Variants in ARSG observed in about 807,000 individuals in gnomAD.
The protein encoded by ARSG is ASG.
A neutral mutation model predicts 50.5 loss-of-function variants in ARSG; 37 were observed. That is an observed-to-expected ratio of 0.73 (90% CI 0.56 to 0.96). ARSG has a LOEUF of 0.96. Ranked by LOEUF, ARSG falls within the 50% of genes least tolerant of loss-of-function variation. ARSG has a pLI of 0.00. For missense variants in ARSG, 629 were observed against 675.3 expected (o/e 0.93, Z 0.76); for synonymous variants, 225 against 254.6 (o/e 0.88, Z 1.11).
intron 6 of ARSG, among the ~76,000 whole-genome samples, chr17:68,358,956 G>T (rs1426900578): frequency 2.6e-5 from 4 of 152,188 alleles, no homozygotes; most frequent in Non-Finnish European, 5.9e-5. Flanking sequence ...GAGGTCAGGA[G>T]ATCGAGACCA....
chr17:68,279,324 T>C (rs1192058094), intron 1 of ARSG, among the ~76,000 whole-genome samples: 2 of 152,032 alleles, frequency 1.3e-5, no homozygotes, highest in African/African-American at 2.4e-5. Flanking sequence ...AGTCAACTCT[T>C]CTTCCCCGCC....
intron 2 of ARSG, among the ~76,000 whole-genome samples, chr17:68,323,245 T>G (rs2077366163): frequency 6.6e-6 from 1 of 152,158 alleles, no homozygotes; most frequent in Admixed American, 6.5e-5. Context: ...CTCACTTACA[T>G]ATGAGTAAAA....
chr17:68,312,679 C>G (rs1160280992), intron 2 of ARSG, among the ~76,000 whole-genome samples: 1 of 152,114 alleles, frequency 6.6e-6, no homozygotes, highest in African/African-American at 2.4e-5. Flanking sequence ...GGTGGCTAGC[C>G]CTCTGGCCTG....
intron 1 of ARSG, among the ~76,000 whole-genome samples, chr17:68,276,219 G>C (rs550446354): frequency 6.6e-6 from 1 of 151,566 alleles, no homozygotes; most frequent in South Asian, 2.1e-4. Flanking sequence ...TCAGCCTTCC[G>C]AGTAGCTGGG....
the ARSG span, among the ~76,000 whole-genome samples, chr17:68,439,855 T>G: frequency 6.6e-6 from 1 of 152,176 alleles, no homozygotes; most frequent in South Asian, 2.1e-4. Flanking sequence ...ATGCCAAGCC[T>G]TCGTTTCTTA....
intron 8 of ARSG, among the ~76,000 whole-genome samples, chr17:68,371,558 C>T (rs918818524): frequency 6.6e-6 from 1 of 152,160 alleles, no homozygotes; most frequent in Non-Finnish European, 1.5e-5. Context: ...TCTGAGACTG[C>T]AGCCATGTTG....
chr17:68,269,673 G>GTTTTTTTTT (rs782421181), intron 1 of ARSG, among the ~76,000 whole-genome samples: 16,042 of 75,924 alleles, frequency 0.21, 3,071 homozygotes, highest in African/African-American at 0.42. Flanking sequence ...TTCACTTTAG[G>GTTTTTTTTT]TTTTTTTTTT....
At chr17:68,416,145 A>G (rs1282613668) in intron 11 of ARSG, among the ~76,000 whole-genome samples, 1 of 152,146 alleles carries the variant, frequency 6.6e-6, no homozygotes, top group Non-Finnish European at 1.5e-5. Context: ...TTATGCTTTA[A>G]AGAGGTTCCA....
chr17:68,393,659 G>C (rs1364331452), intron 9 of ARSG, among the ~76,000 whole-genome samples: 1 of 152,038 alleles, frequency 6.6e-6, no homozygotes, highest in East Asian at 1.9e-4. Flanking sequence ...TTGAGGTCAG[G>C]AGTTTGAGAC....
intron 10 of ARSG, among the ~76,000 whole-genome samples, chr17:68,398,270 T>C (rs2081333681): frequency 6.6e-6 from 1 of 151,524 alleles, no homozygotes; most frequent in African/African-American, 2.5e-5. Context: ...TGCCTATGCA[T>C]GTCTATGCAC....
chr17:68,260,422 G>A (rs1555745001), intron 1 of ARSG, among the ~76,000 whole-genome samples: 1 of 152,178 alleles, frequency 6.6e-6, no homozygotes, highest in Non-Finnish European at 1.5e-5. Context: ...AGAGTCATCT[G>A]GGGTTGCTCA....
chr17:68,346,951 C>A (rs577376133), intron 3 of ARSG, 174 bp from the exon 4 acceptor site: 2 of 1,516,290 alleles, frequency 1.3e-6, no homozygotes, highest in Non-Finnish European at 8.8e-7. Context: ...CCTGTGGACA[C>A]CGTCTCGGCC....
intron 11 of ARSG, among the ~76,000 whole-genome samples, chr17:68,419,086 TG>T (rs1169085808): frequency 2.6e-5 from 4 of 152,106 alleles, no homozygotes; most frequent in African/African-American, 9.7e-5. Flanking sequence ...CAAACATTTT[TG>T]TCCTTCCTCT....
the ARSG span, among the ~76,000 whole-genome samples, chr17:68,443,203 T>A: frequency 3.3e-5 from 5 of 152,162 alleles, no homozygotes; most frequent in Non-Finnish European, 5.9e-5. Flanking sequence ...CTCCGCCTCC[T>A]GGGTTCAAGT....
intron 2 of ARSG, among the ~76,000 whole-genome samples, chr17:68,321,796 T>C (rs1163436080): frequency 1.3e-5 from 2 of 152,224 alleles, no homozygotes; most frequent in African/African-American, 4.8e-5. Context: ...TGGCTCTGTA[T>C]TTCCAGCTTT....
At chr17:68,396,425 T>C (rs944182930) in intron 10 of ARSG, among the ~76,000 whole-genome samples, 1 of 152,222 alleles carries the variant, frequency 6.6e-6, no homozygotes, top group East Asian at 1.9e-4. Flanking sequence ...TCATTGGCAG[T>C]GACAGCCAGG....
chr17:68,355,583 G>A (rs987134862), intron 5 of ARSG, among the ~76,000 whole-genome samples: 2 of 152,132 alleles, frequency 1.3e-5, no homozygotes, highest in Admixed American at 6.5e-5. Context: ...TTGAACTCCT[G>A]ACCTTAGGTG....
intron 6 of ARSG, among the ~76,000 whole-genome samples, chr17:68,359,023 C>T (rs2146531682): frequency 1.3e-5 from 2 of 151,824 alleles, no homozygotes; most frequent in African/African-American, 4.8e-5. Context: ...ATTAGCCAGG[C>T]GTGGTGGCGG....
At chr17:68,327,173 G>A (rs1486826295) in intron 2 of ARSG, among the ~76,000 whole-genome samples, 4 of 151,768 alleles carry the variant, frequency 2.6e-5, no homozygotes, top group African/African-American at 7.3e-5. Flanking sequence ...GAGTTAACAT[G>A]TTGAGCTGGA....
Sources: gnomAD v4.1 joint callset for allele counts (sites outside exome capture counted in the v4.1 genomes callset) on GRCh38, gnomAD v4.1.1 for gene constraint, MANE v1.5 for transcripts, NCBI Gene and HGNC (gene_info 2026-07-23, HGNC 2026-07-21) for gene names.